The following UPRT variants were observed in gnomAD, a reference collection of about 807,000 sequenced individuals.
UPRT encodes the protein RP11-311P8.3.
UPRT carries 5 observed loss-of-function variants against 22.6 expected under a neutral mutation model. That is an observed-to-expected ratio of 0.22 (90% CI 0.12 to 0.47). UPRT has a LOEUF of 0.47. Among genes scored for constraint, UPRT ranks in the 20% least tolerant of loss-of-function variants. The pLI, the probability that UPRT is intolerant of heterozygous loss-of-function variation, is 0.99. For missense variants in UPRT, 181 were observed against 239.9 expected (o/e 0.75, Z 1.62); for synonymous variants, 77 against 87.7 (o/e 0.88, Z 0.68).
In UPRT at chrX:75,236,480, C is replaced by T. The variant is rs766934492; in HGVS notation, c.-446-54544C>T. Among the ~76,000 whole-genome samples, 280 of 111,565 alleles carry T rather than the reference C, an allele frequency of 2.5e-3. 1 individual carries two copies. Among genetic ancestry groups the T allele is most frequent in the Middle Eastern group, 9.2e-3 (2 of 218 alleles). On this transcript the variant is annotated intron_variant, in intron 4 of 13. Transcript: ENST00000652605. ...GTTCATATGGAACCAAAAAGGAGCC[C>T]GCATTGCCAAGTCAATCCTGAGCCA...
At chrX:75,206,522 T>G (rs2082367547) in intron 4 of UPRT, among the ~76,000 whole-genome samples, 1 of 111,314 alleles carries the variant, frequency 9.0e-6, no homozygotes, top group Non-Finnish European at 1.9e-5. Context: ...TGTGCACATA[T>G]GAAAGTACAG....
chrX:75,210,448 G>A (rs2082377323), intron 4 of UPRT, among the ~76,000 whole-genome samples: 1 of 110,984 alleles, frequency 9.0e-6, no homozygotes, highest in East Asian at 2.8e-4. Context: ...GGAGAGGATG[G>A]CTAGGGAGAA....
chrX:75,252,869 A>G (rs1439927985), intron 4 of UPRT, among the ~76,000 whole-genome samples: 1 of 112,451 alleles, frequency 8.9e-6, no homozygotes, highest in African/African-American at 3.2e-5. Flanking sequence ...GCCATAAAAA[A>G]TGATGAGTTC....
At chrX:75,240,544 GCCA>G (rs989267459) in intron 4 of UPRT, among the ~76,000 whole-genome samples, 1 of 111,507 alleles carries the variant, frequency 9.0e-6, no homozygotes, top group African/African-American at 3.3e-5. Flanking sequence ...CCATCAAAAT[GCCA>G]CCATCATTCT....
chrX:75,258,129 G>A (rs2082555056), intron 4 of UPRT, among the ~76,000 whole-genome samples: 1 of 110,416 alleles, frequency 9.1e-6, no homozygotes, highest in African/African-American at 3.3e-5. Context: ...TATGCCACCA[G>A]GGCCCTGGGT....
chrX:75,168,734 G>T (rs1331402784), intron 4 of UPRT, among the ~76,000 whole-genome samples: 1 of 110,799 alleles, frequency 9.0e-6, no homozygotes, highest in Non-Finnish European at 1.9e-5. Flanking sequence ...TCTCCATGTT[G>T]GTCAGGCTGG....
At chrX:75,293,632 C>T in intron 2 of UPRT, 118 bp downstream of exon 2, 1 of 717,132 alleles carries the variant, frequency 1.4e-6, no homozygotes, top group Non-Finnish European at 2.0e-6. Flanking sequence ...TACTAAGTAA[C>T]CATCATCTTG....
At chrX:75,217,481 T>C (rs1017796396) in intron 4 of UPRT, among the ~76,000 whole-genome samples, 9 of 111,595 alleles carry the variant, frequency 8.1e-5, no homozygotes, top group Non-Finnish European at 1.7e-4. Flanking sequence ...TTTATTTCCT[T>C]GAGCAGTGGT....
At chrX:75,253,309 A>T (rs2082538367) in intron 4 of UPRT, among the ~76,000 whole-genome samples, 1 of 112,469 alleles carries the variant, frequency 8.9e-6, no homozygotes, top group Admixed American at 9.4e-5. Flanking sequence ...ATATGAAAAA[A>T]TATTCAACAT....
chrX:75,185,335 G>A (rs138068007), intron 4 of UPRT, among the ~76,000 whole-genome samples: 6,101 of 111,615 alleles, frequency 0.055, 219 homozygotes, highest in South Asian at 0.13. Context: ...ATTGATTTGC[G>A]TATATTGAAC....
chrX:75,263,476 A>G (rs917001474), intron 4 of UPRT, among the ~76,000 whole-genome samples: 1 of 111,571 alleles, frequency 9.0e-6, no homozygotes, highest in African/African-American at 3.3e-5. Context: ...GAATTTATCC[A>G]TTTCTTCTAG....
At chrX:75,282,241 T>A (rs2082660773) in intron 1 of UPRT, among the ~76,000 whole-genome samples, 1 of 111,129 alleles carries the variant, frequency 9.0e-6, no homozygotes, top group Non-Finnish European at 1.9e-5. Flanking sequence ...TTATATTTTT[T>A]TTTTTGCTTC....
Position 75,180,791 on chromosome X carries a change from T to A in UPRT, c.-447+12912T>A, listed in dbSNP as rs994984104. 1.8e-4 allele frequency among the ~76,000 whole-genome samples: 19 copies of A among 106,174 alleles called. No individual in the cohort carries two copies. In the Admixed American group the frequency reaches 1.9e-3, roughly 11 times the overall value. The allele number at this position is 106,174 out of a possible 115,157, so 92.2% of individuals were successfully genotyped here. A position where few individuals can be genotyped will look rare whatever the true frequency, so the allele number is the denominator to read the frequency against. ...CTTTGTTGGATGCAGTTTGCAAAATTTTTTTACCATACTATACGTTGTCTG... is the reference window on the plus strand; with the variant it reads ...CTTTGTTGGATGCAGTTTGCAAAATATTTTTACCATACTATACGTTGTCTG... On this transcript the variant is annotated intron_variant, in intron 4 of 13. Transcript: ENST00000652605.
rs2082266200 is a variant in UPRT at position 75,180,681 on chromosome X, G to GTTTTTTTTTTTTGTTTTTTTTTTTT, written c.-447+12814_-447+12815insGTTTTTTTTTTTTTTTTTTTTTTTT. On this transcript the variant is annotated intron_variant, in intron 4 of 13. Coordinates refer to the UPRT transcript ENST00000652605. ...GTCTTCCATCTTCCCCCTTTTCTCTGTTTTTTTTTTTTTGTTTTTTTTTTT... is the reference window on the plus strand; with the variant it reads ...GTCTTCCATCTTCCCCCTTTTCTCTGTTTTTTTTTTTTGTTTTTTTTTTTTTTTTTTTTTTTTTGTTTTTTTTTTT... Among the ~76,000 whole-genome samples the GTTTTTTTTTTTTGTTTTTTTTTTTT allele has an allele frequency of 1.7e-3, 73 of 43,896 alleles. 2 individuals carry two copies. The highest frequency in any genetic ancestry group is 0.02 in the Middle Eastern group (1 of 51). 38.1% of individuals were successfully genotyped at this position (43,896 alleles called of 115,157 possible).
At chrX:75,190,369 G>C (rs139782085) in intron 4 of UPRT, among the ~76,000 whole-genome samples, 1 of 111,840 alleles carries the variant, frequency 8.9e-6, no homozygotes, top group South Asian at 3.8e-4. Flanking sequence ...ACGGGCTTTC[G>C]TTTGTGGGTA....
chrX:75,172,134 G>A (rs1379976569), intron 4 of UPRT, among the ~76,000 whole-genome samples: 2 of 111,925 alleles, frequency 1.8e-5, no homozygotes, highest in African/African-American at 3.3e-5. Context: ...GATCGGTGGA[G>A]CTCTAGAACT....
At chrX:75,248,746 A>G (rs962099011) in intron 4 of UPRT, among the ~76,000 whole-genome samples, 1 of 111,681 alleles carries the variant, frequency 9.0e-6, no homozygotes, top group African/African-American at 3.3e-5. Context: ...CAACTCCAAG[A>G]CACACAATTG....
chrX:75,250,344 A>C (rs1434716269), intron 4 of UPRT, among the ~76,000 whole-genome samples: 1 of 110,431 alleles, frequency 9.1e-6, no homozygotes, highest in Non-Finnish European at 1.9e-5. Context: ...AGAGAGAAGA[A>C]TCAATTAGAT....
intron 4 of UPRT, among the ~76,000 whole-genome samples, chrX:75,266,001 A>C (rs1037409646): frequency 9.0e-6 from 1 of 111,423 alleles, no homozygotes; most frequent in Admixed American, 9.6e-5. Flanking sequence ...TATTGTGAAA[A>C]TGGCCATACT....
Sources: allele counts gnomAD v4.1 joint callset (sites outside exome capture counted in the v4.1 genomes callset), GRCh38; gene constraint gnomAD v4.1.1; transcripts MANE v1.5; gene names NCBI Gene and HGNC (gene_info 2026-07-23, HGNC 2026-07-21).